Variants in CASK observed in about 807,000 individuals in gnomAD.
The protein encoded by CASK is peripheral plasma membrane protein CASK.
A neutral mutation model predicts 82.9 loss-of-function variants in CASK; 4 were observed. The observed-to-expected ratio is 0.05, with a 90% CI of 0.02 to 0.11. The LOEUF (loss-of-function observed/expected upper bound fraction) is 0.11. CASK is among the 10% of genes least tolerant of loss of function. CASK has a pLI of 1.00. For synonymous variants in CASK, 259 were observed against 253.5 expected (o/e 1.02, Z -0.20); for missense variants, 358 against 720.9 (o/e 0.50, Z 5.76).
intron 2 of CASK, among the ~76,000 whole-genome samples, chrX:41,812,879 C>T (rs766561232): frequency 9.7e-4 from 109 of 112,097 alleles, no homozygotes; most frequent in African/African-American, 3.4e-3. Context: ...AGCTGATAAG[C>T]AACTTCAGCA....
chrX:41,633,256 G>T (rs2066504150), intron 9 of CASK, among the ~76,000 whole-genome samples: 1 of 110,904 alleles, frequency 9.0e-6, no homozygotes, highest in African/African-American at 3.3e-5. Context: ...ACACTTCACT[G>T]TGGGGAATTT....
rs769820836 is a variant in CASK, at chrX:41,539,519, A to G, written c.2155+3172T>C. ...AAAGCCAGAAAAATCCTTTTGAGAT[A>G]TTGTTTGATCTGTGGCCCATGAGCC... On this transcript the variant is annotated intron_variant, in intron 22 of 26. Coordinates refer to ENST00000378163, the MANE Select transcript of CASK (RefSeq NM_001367721.1). 3.6e-5 allele frequency among the ~76,000 whole-genome samples: 4 copies of G among 112,121 alleles called. No homozygotes were observed. The South Asian group carries it at 1.5e-3, about 42-fold the overall frequency.
chrX:41,845,437 C>T (rs1348323168), intron 2 of CASK, among the ~76,000 whole-genome samples: 1 of 111,496 alleles, frequency 9.0e-6, no homozygotes, highest in Non-Finnish European at 1.9e-5. Flanking sequence ...ATAAAATGTC[C>T]TTCTTTAGTA....
chrX:41,807,991 G>A (rs1444939775), intron 2 of CASK, among the ~76,000 whole-genome samples: 1 of 111,388 alleles, frequency 9.0e-6, no homozygotes, highest in Non-Finnish European at 1.9e-5. Flanking sequence ...AAGTAGCTGG[G>A]ATTACAGGTG....
At chrX:41,909,311 T>A in intron 1 of CASK, among the ~76,000 whole-genome samples, 1 of 112,155 alleles carries the variant, frequency 8.9e-6, no homozygotes, top group Non-Finnish European at 1.9e-5. Context: ...CAAACATTTG[T>A]CACTTGTAGT....
Position 41,683,843 on chromosome X carries a change from A to T in CASK, c.430-12313T>A, listed in dbSNP as rs141848287. Among the ~76,000 whole-genome samples, 456 of 112,059 alleles carry T rather than the reference A, an allele frequency of 4.1e-3. 1 individual carries two copies. Among genetic ancestry groups the T allele is most frequent in the African/African-American group, 0.014 (430 of 30,860 alleles). On this transcript the variant is annotated intron_variant, in intron 5 of 26. Coordinates refer to ENST00000378163, the MANE Select transcript of CASK (RefSeq NM_001367721.1). Reference sequence around the variant, plus strand: ...TATGTGTGTGTGAAAGTTTTAAAATAATAGTAATACCTACATTATCAATAA... The same window carrying T: ...TATGTGTGTGTGAAAGTTTTAAAATTATAGTAATACCTACATTATCAATAA...
In CASK at chrX:41,838,070, C is replaced by T. The variant is rs1042401420; in HGVS notation, c.172+15045G>A. The stretch of plus-strand genomic sequence containing the variant: ...GTCTCCCTATGTTGCACAGACTGGT[C>T]TTGAACTCCTGGGCTCAAGCAATCC... On this transcript the variant is annotated intron_variant, in intron 2 of 26. Transcript: ENST00000378163. Among the ~76,000 whole-genome samples the T allele has an allele frequency of 4.5e-5, 5 of 111,515 alleles. No individual in the cohort carries two copies. In the East Asian group the frequency reaches 8.5e-4, roughly 19 times the overall value.
chrX:41,905,941 T>C (rs1360365743), intron 1 of CASK, among the ~76,000 whole-genome samples: 1 of 112,424 alleles, frequency 8.9e-6, no homozygotes, highest in African/African-American at 3.2e-5. Context: ...TTCATCTAAT[T>C]AGAGCATTGG....
At chrX:41,573,793 T>C (rs1205022596) in intron 15 of CASK, among the ~76,000 whole-genome samples, 1 of 112,223 alleles carries the variant, frequency 8.9e-6, no homozygotes, top group Admixed American at 9.5e-5. Context: ...TCTTATGTTT[T>C]GTTCTGAGAC....
At chrX:41,671,168 A>T (rs2067192302) in intron 6 of CASK, among the ~76,000 whole-genome samples, 1 of 112,433 alleles carries the variant, frequency 8.9e-6, no homozygotes, top group African/African-American at 3.2e-5. Context: ...ATTTTCTCTG[A>T]ACACTGTTTT....
intron 5 of CASK, among the ~76,000 whole-genome samples, chrX:41,677,694 G>A (rs1326000794): frequency 8.9e-6 from 1 of 111,917 alleles, no homozygotes; most frequent in African/African-American, 3.3e-5. Context: ...AGTAAAAATG[G>A]AGAAATGGGA....
chrX:41,862,338 C>T (rs908739631), intron 1 of CASK, among the ~76,000 whole-genome samples: 2 of 109,575 alleles, frequency 1.8e-5, no homozygotes, highest in Admixed American at 9.7e-5. Flanking sequence ...GCCAGGAGTT[C>T]GAGACCAGCC....
rs772176854 is a variant in CASK at position 41,690,961 on chromosome X, T to C, written c.430-19431A>G. On this transcript the variant is annotated intron_variant, in intron 5 of 26. Coordinates refer to ENST00000378163, the MANE Select transcript of CASK (RefSeq NM_001367721.1). Reference sequence around the variant, plus strand: ...GTGCTGGGATCACAGGCATGAACCATGGCGCTCAGCTGTCAATTTGTGAAT... The same window carrying C: ...GTGCTGGGATCACAGGCATGAACCACGGCGCTCAGCTGTCAATTTGTGAAT... Among the ~76,000 whole-genome samples, 214 of 111,543 alleles carry C rather than the reference T, an allele frequency of 1.9e-3. 1 individual carries two copies. Among genetic ancestry groups the C allele is most frequent in the Non-Finnish European group, 3.3e-3 (177 of 53,038 alleles).
intron 24 of CASK, among the ~76,000 whole-genome samples, chrX:41,533,293 G>A (rs971631254): frequency 3.6e-5 from 4 of 112,557 alleles, no homozygotes; most frequent in Admixed American, 9.4e-5. Context: ...CAGTTGTTAC[G>A]TGGTTAAGAA....
intron 1 of CASK, among the ~76,000 whole-genome samples, chrX:41,892,481 C>T (rs1260509851): frequency 9.1e-6 from 1 of 109,760 alleles, no homozygotes; most frequent in African/African-American, 3.3e-5. Context: ...TACAGGCACG[C>T]GTCACCACAC....
chrX:41,606,496 G>A (rs897834912), intron 12 of CASK, among the ~76,000 whole-genome samples: 16 of 110,910 alleles, frequency 1.4e-4, no homozygotes, highest in Non-Finnish European at 1.1e-4. Flanking sequence ...CAGGTAATCC[G>A]CCCGCCTTGG....
At chrX:41,684,885 A>C (rs1456452125) in intron 5 of CASK, among the ~76,000 whole-genome samples, 1 of 112,107 alleles carries the variant, frequency 8.9e-6, no homozygotes, top group Non-Finnish European at 1.9e-5. Flanking sequence ...ATATTAGGTC[A>C]ACATAAATTA....
chrX:41,712,197 G>A (rs960074625), intron 5 of CASK, among the ~76,000 whole-genome samples: 1 of 112,727 alleles, frequency 8.9e-6, no homozygotes, highest in Non-Finnish European at 1.9e-5. Flanking sequence ...AGCTGCAGCT[G>A]TGCTGCAATC....
At chrX:41,784,271 A>G (rs1484444959) in intron 3 of CASK, among the ~76,000 whole-genome samples, 1 of 111,823 alleles carries the variant, frequency 8.9e-6, no homozygotes, top group East Asian at 2.8e-4. Flanking sequence ...AGGGAGGGAG[A>G]GACCTTTGAA....
Sources: gnomAD v4.1 joint callset for allele counts (sites outside exome capture counted in the v4.1 genomes callset) on GRCh38, gnomAD v4.1.1 for gene constraint, MANE v1.5 for transcripts, NCBI Gene and HGNC (gene_info 2026-07-23, HGNC 2026-07-21) for gene names.